Variants in EYS observed in about 807,000 individuals in gnomAD.
The protein encoded by EYS is protein eyes shut homolog.
In EYS, 250 loss-of-function variants were observed where a neutral mutation model predicts 282.1. The observed-to-expected ratio is 0.89, with a 90% confidence interval of 0.80 to 0.98. EYS has a LOEUF of 0.98. EYS is among the 50% of genes least tolerant of loss of function. The pLI, the probability that EYS is intolerant of heterozygous loss-of-function variation, is 0.00. For synonymous variants in EYS, 1,355 were observed against 1,282.9 expected, an observed-to-expected ratio of 1.06 and a Z score of -1.20; for missense variants, 4,016 against 3,709.0, an observed-to-expected ratio of 1.08 and a Z score of -2.15.
intron 5 of EYS, among the ~76,000 whole-genome samples, chr6:65,451,553 C>G (rs771556549): frequency 1.3e-5 from 2 of 151,960 alleles, no homozygotes; most frequent in Non-Finnish European, 2.9e-5. Context: ...TTGTCAAATA[C>G]TTTAGGGATA....
chr6:64,992,582 G>A (rs1771100901), intron 14 of EYS, among the ~76,000 whole-genome samples: 1 of 151,828 alleles, frequency 6.6e-6, no homozygotes, highest in Non-Finnish European at 1.5e-5. Context: ...ACACTCCAAA[G>A]TATCTGAGAA....
chr6:64,437,607 G>A (rs1774796777), intron 27 of EYS, among the ~76,000 whole-genome samples: 1 of 151,544 alleles, frequency 6.6e-6, no homozygotes, highest in African/African-American at 2.4e-5. Flanking sequence ...ACAAATTTTT[G>A]TGTGATTTAA....
chr6:63,863,620 G>A (rs1415952845), intron 36 of EYS, among the ~76,000 whole-genome samples: 2 of 149,238 alleles, frequency 1.3e-5, no homozygotes, highest in Non-Finnish European at 3.0e-5. Flanking sequence ...TCTAACCTCA[G>A]GGAAAACTCA....
intron 2 of EYS, among the ~76,000 whole-genome samples, chr6:65,524,894 C>A (rs1000952948): frequency 6.6e-6 from 1 of 152,140 alleles, no homozygotes; most frequent in African/African-American, 2.4e-5. Context: ...GGCTGATCAC[C>A]TTTGAGTGTC....
intron 12 of EYS, among the ~76,000 whole-genome samples, chr6:65,267,172 A>G (rs1382633747): frequency 2.0e-5 from 3 of 151,822 alleles, no homozygotes; most frequent in East Asian, 3.9e-4. Flanking sequence ...CTGGTGCTTT[A>G]TGCAAGGCTA....
At chr6:64,855,675 A>G (rs1766037700) in intron 19 of EYS, among the ~76,000 whole-genome samples, 1 of 152,142 alleles carries the variant, frequency 6.6e-6, no homozygotes, top group Non-Finnish European at 1.5e-5. Context: ...TATGGGTTGT[A>G]TAGTTGTTTG....
chr6:64,825,469 T>A (rs1765024421), intron 19 of EYS, among the ~76,000 whole-genome samples: 1 of 151,906 alleles, frequency 6.6e-6, no homozygotes, highest in African/African-American at 2.4e-5. Flanking sequence ...CCTTGTCATA[T>A]ACGTGTGTGT....
At chr6:65,034,706 A>C (rs1772712347) in intron 13 of EYS, among the ~76,000 whole-genome samples, 1 of 152,102 alleles carries the variant, frequency 6.6e-6, no homozygotes, top group Non-Finnish European at 1.5e-5. Flanking sequence ...ATCATGCATA[A>C]TTGTGAGCTA....
At position 65,010,010 on chromosome 6, in the gene EYS, C is replaced by G. The variant is rs193237708; in HGVS notation, c.2138-12307G>C. On this transcript the variant is annotated intron_variant, in intron 13 of 42. Coordinates refer to ENST00000503581, the MANE Select transcript of EYS (RefSeq NM_001142800.2). ...TAAGGAAACTCAGAAATCCAATACCCATTTAGTAAGATGGACACCTGAATC... is the reference window on the plus strand; with the variant it reads ...TAAGGAAACTCAGAAATCCAATACCGATTTAGTAAGATGGACACCTGAATC... Among the ~76,000 whole-genome samples the G allele has an allele frequency of 1.8e-3, 278 of 152,276 alleles. 2 individuals are homozygous for G. The highest frequency in any genetic ancestry group is 6.6e-3 in the African/African-American group (275 of 41,538).
chr6:65,264,194 TTTAAAG>T (rs1352291374), intron 12 of EYS, among the ~76,000 whole-genome samples: 10 of 152,246 alleles, frequency 6.6e-5, no homozygotes, highest in Admixed American at 2.0e-4. Flanking sequence ...TTTGAACCAA[TTTAAAG>T]TTATTTACCA....
In EYS at chr6:65,364,348, A is replaced by G. The variant is rs1160957874; in HGVS notation, c.1300-10731T>C. Among the ~76,000 whole-genome samples, 5 of 151,132 alleles carry G rather than the reference A, an allele frequency of 3.3e-5. No homozygotes were observed. The East Asian group carries it at 9.7e-4, about 29-fold the overall frequency. On this transcript the variant is annotated intron_variant, in intron 8 of 42. Transcript: ENST00000503581. Reference sequence around the variant, plus strand: ...AATCAACCTCAGAATTGTATTAGTCATTACATAGGAAACAGTTACAGATAT... The same window carrying G: ...AATCAACCTCAGAATTGTATTAGTCGTTACATAGGAAACAGTTACAGATAT...
chr6:64,411,808 T>C (rs1440104565), intron 28 of EYS, among the ~76,000 whole-genome samples: 1 of 126,778 alleles, frequency 7.9e-6, no homozygotes, highest in East Asian at 2.7e-4. Context: ...TGATTACGAG[T>C]GTATATGAAT....
At chr6:64,007,949 G>T (rs982982713) in intron 33 of EYS, among the ~76,000 whole-genome samples, 6 of 152,138 alleles carry the variant, frequency 3.9e-5, no homozygotes, top group African/African-American at 9.7e-5. Flanking sequence ...CAGATGAGAA[G>T]AATGCATATT....
intron 31 of EYS, among the ~76,000 whole-genome samples, chr6:64,154,937 A>G (rs1774867375): frequency 6.6e-6 from 1 of 152,176 alleles, no homozygotes; most frequent in Non-Finnish European, 1.5e-5. Context: ...ATAGTTTTCC[A>G]ATCACAGCCA....
In EYS at chr6:64,639,040, A is replaced by G. The variant is rs140927068; in HGVS notation, c.3444-12795T>C. On this transcript the variant is annotated intron_variant, in intron 22 of 42. Coordinates refer to ENST00000503581, the MANE Select transcript of EYS (RefSeq NM_001142800.2). ...CAGTTCTGGAGGCCAGATGTCCAAAATCCATGTGTGGGCAGGATGACAGGA... is the reference window on the plus strand; with the variant it reads ...CAGTTCTGGAGGCCAGATGTCCAAAGTCCATGTGTGGGCAGGATGACAGGA... Among the ~76,000 whole-genome samples the G allele has an allele frequency of 4.5e-5, 4 of 88,130 alleles. 2 individuals carry two copies. The allele number at this position is 88,130 out of a possible 152,430, so 57.8% of individuals were successfully genotyped here. A position where few individuals can be genotyped will look rare whatever the true frequency, so the allele number is the denominator to read the frequency against.
chr6:64,033,892 T>C (rs1476507809), intron 33 of EYS, among the ~76,000 whole-genome samples: 1 of 151,946 alleles, frequency 6.6e-6, no homozygotes, highest in African/African-American at 2.4e-5. Context: ...ATTGTTAAAA[T>C]ATACATATAA....
intron 22 of EYS, among the ~76,000 whole-genome samples, chr6:64,700,766 C>A (rs1236272038): frequency 6.6e-6 from 1 of 151,828 alleles, no homozygotes; most frequent in East Asian, 1.9e-4. Context: ...TCATGGATTG[C>A]AAAAGTTAAT....
At chr6:65,678,298 T>C (rs1768697048) in intron 1 of EYS, among the ~76,000 whole-genome samples, 1 of 152,034 alleles carries the variant, frequency 6.6e-6, no homozygotes, top group African/African-American at 2.4e-5. Flanking sequence ...GGGGATTACA[T>C]TTCAACATGA....
chr6:64,615,762 A>T (rs958090546), intron 24 of EYS, among the ~76,000 whole-genome samples: 2 of 152,068 alleles, frequency 1.3e-5, no homozygotes, highest in Non-Finnish European at 2.9e-5. Flanking sequence ...CAAGTTTTTA[A>T]ATTTTGTTTC....
Sources: allele counts gnomAD v4.1 joint callset (sites outside exome capture counted in the v4.1 genomes callset), GRCh38; gene constraint gnomAD v4.1.1; transcripts MANE v1.5; gene names NCBI Gene and HGNC (gene_info 2026-07-23, HGNC 2026-07-21).